CMTM8: variants seen among roughly 807,000 people sequenced by gnomAD.
CMTM8 encodes CKLF like MARVEL transmembrane domain containing 8.
Under a neutral mutation model 18.6 loss-of-function variants are expected in CMTM8, and 12 were observed. That is an observed-to-expected ratio of 0.65 (90% CI 0.41 to 1.05). The LOEUF (loss-of-function observed/expected upper bound fraction) is 1.05. Ranked by LOEUF, CMTM8 falls within the 50% of genes least tolerant of loss-of-function variation. The pLI is 0.00. For missense variants in CMTM8, 217 were observed against 227.2 expected, an observed-to-expected ratio of 0.95 and a Z score of 0.29; for synonymous variants, 87 against 90.6, an observed-to-expected ratio of 0.96 and a Z score of 0.23.
chr3:32,334,225 G>A (rs1203502345), intron 1 of CMTM8, among the ~76,000 whole-genome samples: 1 of 151,678 alleles, frequency 6.6e-6, no homozygotes, highest in African/African-American at 2.4e-5. Context: ...TGATCCACCC[G>A]CCTCTGCCTC....
At chr3:32,308,475 T>C (rs1695757307) in intron 1 of CMTM8, among the ~76,000 whole-genome samples, 1 of 152,184 alleles carries the variant, frequency 6.6e-6, no homozygotes, top group Non-Finnish European at 1.5e-5. Flanking sequence ...TCTCCAGAAC[T>C]TAGCTACTTG....
At chr3:32,284,050 G>A (rs113311255) in intron 1 of CMTM8, among the ~76,000 whole-genome samples, 14,054 of 152,182 alleles carry the variant, frequency 0.092, 723 homozygotes, top group African/African-American at 0.13. Flanking sequence ...TCAGGAGTTC[G>A]AGACCAGCCT....
At chr3:32,338,771 T>C (rs1314116180) in intron 1 of CMTM8, among the ~76,000 whole-genome samples, 1 of 152,210 alleles carries the variant, frequency 6.6e-6, no homozygotes, top group East Asian at 1.9e-4. Flanking sequence ...AGAAGACATT[T>C]GTTATCACTC....
chr3:32,300,207 T>C (rs1347236935), intron 1 of CMTM8, among the ~76,000 whole-genome samples: 1 of 152,224 alleles, frequency 6.6e-6, no homozygotes, highest in East Asian at 1.9e-4. Flanking sequence ...CTAATGCTAA[T>C]AGGCTGAGCG....
At chr3:32,357,288 ATT>A in intron 1 of CMTM8, 83 bp from the exon 2 acceptor site, 2 of 980,010 alleles carry the variant, frequency 2.0e-6, no homozygotes, top group Non-Finnish European at 3.1e-6. Context: ...CTGTATAATT[ATT>A]TTTTTTTCTT....
intron 1 of CMTM8, among the ~76,000 whole-genome samples, chr3:32,350,918 C>T (rs1467534224): frequency 2.6e-5 from 4 of 152,198 alleles, no homozygotes; most frequent in Non-Finnish European, 5.9e-5. Context: ...CTCAGCCTCC[C>T]AAAGTGCTGG....
At chr3:32,266,579 A>C (rs1174879779) in intron 1 of CMTM8, among the ~76,000 whole-genome samples, 1 of 152,188 alleles carries the variant, frequency 6.6e-6, no homozygotes, top group African/African-American at 2.4e-5. Flanking sequence ...CTCCTATTCA[A>C]CATAGTGTTG....
At chr3:32,332,311 C>T (rs1276858324) in intron 1 of CMTM8, among the ~76,000 whole-genome samples, 4 of 152,140 alleles carry the variant, frequency 2.6e-5, no homozygotes, top group Admixed American at 6.5e-5. Flanking sequence ...GGGACAGTTA[C>T]CTCTGAGCAT....
chr3:32,260,587 T>G (rs1702242453), intron 1 of CMTM8, among the ~76,000 whole-genome samples: 1 of 152,198 alleles, frequency 6.6e-6, no homozygotes, highest in Non-Finnish European at 1.5e-5. Context: ...TACTCTTTGT[T>G]TCAATGTTTT....
At chr3:32,245,904 C>T (rs893153157) in intron 1 of CMTM8, among the ~76,000 whole-genome samples, 6 of 152,264 alleles carry the variant, frequency 3.9e-5, no homozygotes, top group South Asian at 2.1e-4. Context: ...CAACCTCTGA[C>T]TCTCAGGTTC....
chr3:32,344,455 C>T lies in CMTM8; in HGVS notation c.148-12918C>T, dbSNP rs1469108105. On this transcript the variant is annotated intron_variant, in intron 1 of 3. Coordinates refer to ENST00000307526, the MANE Select transcript of CMTM8 (RefSeq NM_178868.5). The stretch of plus-strand genomic sequence containing the variant: ...CCAATAGTGCCTAGAAAACCTGTGT[C>T]ACAATAATACTCAGTAGGTATTTGA... 2.0e-5 allele frequency among the ~76,000 whole-genome samples: 3 copies of T among 152,186 alleles called. No homozygotes were observed. In the East Asian group the frequency reaches 5.8e-4, roughly 29 times the overall value.
chr3:32,313,507 G>A (rs1163082861), intron 1 of CMTM8, among the ~76,000 whole-genome samples: 1 of 152,148 alleles, frequency 6.6e-6, no homozygotes, highest in Non-Finnish European at 1.5e-5. Context: ...GTTATGCCAT[G>A]TTGCCCAGGC....
rs1575152565 is a variant in CMTM8 at position 32,267,812 on chromosome 3, G to A, written c.147+28693G>A. Among the ~76,000 whole-genome samples the A allele has an allele frequency of 2.0e-5, 3 of 152,178 alleles. No homozygotes were observed. The East Asian group carries it at 5.8e-4, about 29-fold the overall frequency. On this transcript the variant is annotated intron_variant, in intron 1 of 3. Transcript: ENST00000307526. Reference sequence around the variant, plus strand: ...GGATATGAACAGACACTTCTCAAAAGAAGACATTTATGCAGTCAAAAGACA... The same window carrying A: ...GGATATGAACAGACACTTCTCAAAAAAAGACATTTATGCAGTCAAAAGACA...
chr3:32,260,526 A>G (rs1702241966), intron 1 of CMTM8, among the ~76,000 whole-genome samples: 1 of 152,010 alleles, frequency 6.6e-6, no homozygotes. Flanking sequence ...TCTGTTTTTC[A>G]TTTACTACTT....
intron 1 of CMTM8, among the ~76,000 whole-genome samples, chr3:32,242,916 G>A (rs1173283515): frequency 6.6e-6 from 1 of 151,246 alleles, no homozygotes; most frequent in Admixed American, 6.6e-5. Context: ...GGAGTGCAGT[G>A]GGTCTCATAA....
At chr3:32,254,075 G>A (rs1702146862) in intron 1 of CMTM8, among the ~76,000 whole-genome samples, 1 of 152,036 alleles carries the variant, frequency 6.6e-6, no homozygotes, top group South Asian at 2.1e-4. Context: ...TGTATTTTTA[G>A]TAGAAATGGT....
At chr3:32,281,150 C>T (rs1225545123) in intron 1 of CMTM8, among the ~76,000 whole-genome samples, 1 of 152,202 alleles carries the variant, frequency 6.6e-6, no homozygotes, top group Non-Finnish European at 1.5e-5. Context: ...ACCTTGTAGG[C>T]CCACCATGGC....
chr3:32,327,129 T>C (rs1431273009), intron 1 of CMTM8, among the ~76,000 whole-genome samples: 1 of 147,096 alleles, frequency 6.8e-6, no homozygotes, highest in East Asian at 2.0e-4. Flanking sequence ...AAAAAAAAAA[T>C]GGAGTTTTTC....
intron 1 of CMTM8, among the ~76,000 whole-genome samples, chr3:32,245,050 A>G (rs1701992020): frequency 6.6e-6 from 1 of 152,210 alleles, no homozygotes; most frequent in South Asian, 2.1e-4. Context: ...TTAATATCTG[A>G]ATCAGGATAC....
Sources: allele counts gnomAD v4.1 joint callset (sites outside exome capture counted in the v4.1 genomes callset), GRCh38; gene constraint gnomAD v4.1.1; transcripts MANE v1.5; gene names NCBI Gene and HGNC (gene_info 2026-07-23, HGNC 2026-07-21).